The following MAPK10 variants were observed in gnomAD, a reference collection of about 807,000 sequenced individuals.
MAPK10 encodes the protein JNK3 alpha protein kinase.
A neutral mutation model predicts 59.3 loss-of-function variants in MAPK10; 25 were observed. The ratio of observed to expected loss-of-function variants is 0.42; its 90% CI spans 0.31 to 0.59. MAPK10 has a LOEUF of 0.59. MAPK10 is among the 20% of genes least tolerant of loss of function. The pLI, the probability that MAPK10 is intolerant of heterozygous loss-of-function variation, is 0.15. For missense variants in MAPK10, 351 were observed against 568.9 expected, an observed-to-expected ratio of 0.62 and a Z score of 3.90; for synonymous variants, 190 against 200.5, an observed-to-expected ratio of 0.95 and a Z score of 0.44.
intron 4 of MAPK10, among the ~76,000 whole-genome samples, chr4:86,149,474 C>T (rs778402234): frequency 1.5e-4 from 23 of 152,108 alleles, no homozygotes; most frequent in Non-Finnish European, 2.6e-4. Flanking sequence ...GCCATGATAG[C>T]CAGGCTGGTC....
intron 9 of MAPK10, among the ~76,000 whole-genome samples, chr4:86,070,590 G>A (rs894214874): frequency 9.0e-5 from 12 of 133,436 alleles, no homozygotes; most frequent in Non-Finnish European, 1.7e-4. Flanking sequence ...CCCTTCCTGT[G>A]TCCATGTGAT....
At chr4:86,277,506 T>G (rs2094621754) in intron 2 of MAPK10, among the ~76,000 whole-genome samples, 1 of 152,166 alleles carries the variant, frequency 6.6e-6, no homozygotes, top group African/African-American at 2.4e-5. Flanking sequence ...ATTTAAAAGC[T>G]AATATAACAA....
chr4:86,378,379 C>T (rs1013928896), intron 1 of MAPK10, among the ~76,000 whole-genome samples: 10 of 152,248 alleles, frequency 6.6e-5, no homozygotes, highest in African/African-American at 1.7e-4. Flanking sequence ...TCAGTTCATT[C>T]GGAACTCACT....
chr4:86,354,132 G>C (rs1411211740), intron 2 of MAPK10, among the ~76,000 whole-genome samples: 1 of 151,850 alleles, frequency 6.6e-6, no homozygotes, highest in African/African-American at 2.4e-5. Context: ...GTTCCTGAAA[G>C]AAAACCATAA....
At chr4:86,537,929 G>T (rs1177043092) in intron 1 of MAPK10, among the ~76,000 whole-genome samples, 3 of 151,982 alleles carry the variant, frequency 2.0e-5, no homozygotes, top group Non-Finnish European at 1.5e-5. Flanking sequence ...AGTGTCCTGT[G>T]TTCTAAAAGT....
chr4:86,367,608 C>G (rs1327307865), intron 1 of MAPK10, among the ~76,000 whole-genome samples: 2 of 152,104 alleles, frequency 1.3e-5, no homozygotes, highest in African/African-American at 4.8e-5. Context: ...CATTTAATCC[C>G]TGTACCCTCA....
intron 1 of MAPK10, among the ~76,000 whole-genome samples, chr4:86,398,222 CAAACA>C (rs879574965): frequency 1.0e-4 from 11 of 108,410 alleles, no homozygotes; most frequent in Admixed American, 1.9e-4. Context: ...CAAAAACAAA[CAAACA>C]AAAAAAAAAA....
intron 1 of MAPK10, among the ~76,000 whole-genome samples, chr4:86,517,899 A>G (rs780575996): frequency 6.6e-6 from 1 of 152,210 alleles, no homozygotes; most frequent in African/African-American, 2.4e-5. Flanking sequence ...CTGTGAATCC[A>G]TCTGGTCCTG....
chr4:86,426,614 C>T (rs1285161849), intron 1 of MAPK10, among the ~76,000 whole-genome samples: 1 of 152,178 alleles, frequency 6.6e-6, no homozygotes, highest in Non-Finnish European at 1.5e-5. Flanking sequence ...TTAGGGAACT[C>T]ATAAAGTACC....
chr4:86,405,923 C>G (rs1744304802), intron 1 of MAPK10, among the ~76,000 whole-genome samples: 1 of 152,166 alleles, frequency 6.6e-6, no homozygotes, highest in Admixed American at 6.5e-5. Context: ...TTGTGTTTTA[C>G]AATTTGCAGG....
chr4:86,088,838 A>C (rs959140163), intron 9 of MAPK10, among the ~76,000 whole-genome samples: 6 of 152,204 alleles, frequency 3.9e-5, no homozygotes, highest in African/African-American at 1.4e-4. Context: ...CAAAGTATAA[A>C]TCTTCAGTCT....
chr4:86,518,191 CT>C (rs1333417308), intron 1 of MAPK10, among the ~76,000 whole-genome samples: 4 of 152,066 alleles, frequency 2.6e-5, no homozygotes, highest in Non-Finnish European at 5.9e-5. Flanking sequence ...CCCGGCTAAC[CT>C]TTGTATTTTT....
At chr4:86,403,905 C>T (rs1211404131) in intron 1 of MAPK10, among the ~76,000 whole-genome samples, 2 of 152,184 alleles carry the variant, frequency 1.3e-5, no homozygotes, top group East Asian at 1.9e-4. Flanking sequence ...ATATCAGAGC[C>T]TTTGCCTAAC....
intron 2 of MAPK10, among the ~76,000 whole-genome samples, chr4:86,230,555 T>C (rs555059758): frequency 2.4e-4 from 36 of 152,354 alleles, no homozygotes; most frequent in Non-Finnish European, 4.6e-4. Flanking sequence ...CTGGAATTAT[T>C]GATCTATATG....
intron 2 of MAPK10, among the ~76,000 whole-genome samples, chr4:86,342,963 C>T (rs1191860619): frequency 6.6e-6 from 1 of 152,084 alleles, no homozygotes; most frequent in Non-Finnish European, 1.5e-5. Flanking sequence ...TAGAAACAGA[C>T]CCCAAATTCC....
chr4:86,100,004 C>T (rs1207454047), intron 8 of MAPK10: 3 of 152,092 alleles, frequency 2.0e-5, no homozygotes, highest in Non-Finnish European at 4.4e-5. Context: ...CATTATCTGT[C>T]TTCTAATCTA....
At chr4:86,378,173 C>A (rs1449506403) in intron 1 of MAPK10, among the ~76,000 whole-genome samples, 1 of 152,156 alleles carries the variant, frequency 6.6e-6, no homozygotes, top group Non-Finnish European at 1.5e-5. Flanking sequence ...TGGCTGACAA[C>A]ACACTGGGAA....
rs1196241547 is a variant in MAPK10 at position 86,172,028 on chromosome 4, C to T, written c.67-12561G>A. Among the ~76,000 whole-genome samples the T allele has an allele frequency of 2.2e-4, 31 of 141,472 alleles. No individual in the cohort carries two copies. In the Middle Eastern group the frequency reaches 0.01, roughly 48 times the overall value. The allele number at this position is 141,472 out of a possible 152,430, so 92.8% of individuals were successfully genotyped here. A position where few individuals can be genotyped will look rare whatever the true frequency, so the allele number is the denominator to read the frequency against. On this transcript the variant is annotated intron_variant, in intron 3 of 13. Coordinates refer to ENST00000641462, the MANE Select transcript of MAPK10 (RefSeq NM_138982.4). ...GCAAATCAAAACCACAATGAGATAC[C>T]ATCTCACACCAGTTAGAATGGCAAT...
intron 1 of MAPK10, among the ~76,000 whole-genome samples, chr4:86,557,596 A>G (rs1163978284): frequency 6.6e-6 from 1 of 152,108 alleles, no homozygotes; most frequent in Non-Finnish European, 1.5e-5. Flanking sequence ...ATTTAATAAT[A>G]TTTTGAAGGG....
Sources: gnomAD v4.1 joint callset for allele counts (sites outside exome capture counted in the v4.1 genomes callset) on GRCh38, gnomAD v4.1.1 for gene constraint, MANE v1.5 for transcripts, NCBI Gene and HGNC (gene_info 2026-07-23, HGNC 2026-07-21) for gene names.